NXPE2: variants seen among roughly 807,000 people sequenced by gnomAD.
The protein encoded by NXPE2 is neurexophilin and PC-esterase domain family member 2, also known as NXPE family member 2.
In NXPE2, 34 loss-of-function variants were observed where a neutral mutation model predicts 34.4. The observed-to-expected ratio is 0.99, with a 90% CI of 0.75 to 1.31. The LOEUF is 1.31. Ranked by LOEUF, NXPE2 falls within the 40% of genes most tolerant of loss-of-function variation. The pLI, the probability that NXPE2 is intolerant of heterozygous loss-of-function variation, is 0.00. For synonymous variants in NXPE2, 235 were observed against 231.3 expected, an observed-to-expected ratio of 1.02 and a Z score of -0.15; for missense variants, 649 against 672.5, an observed-to-expected ratio of 0.97 and a Z score of 0.39.
chr11:114,529,961 C>T, the NXPE2 span: 15 of 507,898 alleles, frequency 3.0e-5, no homozygotes, highest in East Asian at 1.5e-4. Context: ...CATAGAAGAA[C>T]GGTTATAGCA....
At chr11:114,784,601 A>G in the NXPE2 span, among the ~76,000 whole-genome samples, 3 of 152,224 alleles carry the variant, frequency 2.0e-5, no homozygotes, top group Non-Finnish European at 2.9e-5. Flanking sequence ...GAGTGGCTTT[A>G]TAACCAGCAT....
At chr11:114,533,689 T>C in the NXPE2 span, among the ~76,000 whole-genome samples, 17 of 152,308 alleles carry the variant, frequency 1.1e-4, no homozygotes, top group East Asian at 3.3e-3. Context: ...TGCTCATTGC[T>C]AGCACAGCAA....
chr11:114,724,107 A>G, the NXPE2 span, among the ~76,000 whole-genome samples: 75 of 152,174 alleles, frequency 4.9e-4, 3 homozygotes, highest in Admixed American at 4.9e-3. Flanking sequence ...CAATCATCCT[A>G]TCAGTGGAGA....
At chr11:114,639,885 T>TA in the NXPE2 span, among the ~76,000 whole-genome samples, 2 of 115,452 alleles carry the variant, frequency 1.7e-5, no homozygotes, top group Non-Finnish European at 3.2e-5. Context: ...ATATAAAATA[T>TA]GTTATATATT....
chr11:114,638,750 G>C, the NXPE2 span, among the ~76,000 whole-genome samples: 1 of 152,002 alleles, frequency 6.6e-6, no homozygotes, highest in Non-Finnish European at 1.5e-5. Flanking sequence ...GTTTGCCTGG[G>C]TAACAGCAGC....
At chr11:114,804,820 G>A in the NXPE2 span, among the ~76,000 whole-genome samples, 61 of 152,256 alleles carry the variant, frequency 4.0e-4, 1 homozygote, top group Middle Eastern at 3.4e-3. Context: ...GGAGGAGGAA[G>A]ACCAGGGCTT....
At chr11:114,603,211 C>T in the NXPE2 span, among the ~76,000 whole-genome samples, 2 of 142,640 alleles carry the variant, frequency 1.4e-5, no homozygotes, top group Non-Finnish European at 1.5e-5. Context: ...CTAGGTAACT[C>T]CTATTACCTG....
chr11:114,530,878 C>T, the NXPE2 span: 1 of 1,612,666 alleles, frequency 6.2e-7, no homozygotes, highest in Non-Finnish European at 8.5e-7. Flanking sequence ...CAGTAATGGA[C>T]AGAGATGGAT....
the NXPE2 span, among the ~76,000 whole-genome samples, chr11:114,620,567 G>A: frequency 5.1e-4 from 77 of 150,630 alleles, no homozygotes; most frequent in Non-Finnish European, 7.8e-4. Context: ...CCACTGTTAC[G>A]CGGTGGATAA....
chr11:114,695,620 T>C (rs1409741711), intron 2 of NXPE2, among the ~76,000 whole-genome samples: 3 of 151,914 alleles, frequency 2.0e-5, no homozygotes, highest in Non-Finnish European at 4.4e-5. Flanking sequence ...TAGACTTAAA[T>C]CAAATCATAT....
chr11:114,737,028 T>C, the NXPE2 span, among the ~76,000 whole-genome samples: 1 of 152,296 alleles, frequency 6.6e-6, no homozygotes, highest in African/African-American at 2.4e-5. Context: ...GGTATTGATT[T>C]ACCTGACTCT....
the NXPE2 span, among the ~76,000 whole-genome samples, chr11:114,574,406 G>T: frequency 6.6e-6 from 1 of 151,776 alleles, no homozygotes; most frequent in African/African-American, 2.4e-5. Context: ...AAAAATAAAT[G>T]AAACAAAAAG....
At chr11:114,750,772 A>G in the NXPE2 span, among the ~76,000 whole-genome samples, 1 of 152,210 alleles carries the variant, frequency 6.6e-6, no homozygotes, top group Admixed American at 6.5e-5. Context: ...GTAGCCTCTG[A>G]TATTAGTTGT....
the NXPE2 span, among the ~76,000 whole-genome samples, chr11:114,799,360 AAAATGCTGGCTGAGT>A: frequency 2.0e-5 from 3 of 152,120 alleles, no homozygotes; most frequent in African/African-American, 7.2e-5. Context: ...AAGGTTGGCA[AAAATGCTGGCTGAGT>A]TATCGTTTGG....
chr11:114,786,611 T>C, the NXPE2 span, among the ~76,000 whole-genome samples: 1 of 152,316 alleles, frequency 6.6e-6, no homozygotes, highest in East Asian at 1.9e-4. Context: ...ACTTCCATGA[T>C]TAGGAATTAT....
chr11:114,636,321 A>G, the NXPE2 span, among the ~76,000 whole-genome samples: 2 of 151,872 alleles, frequency 1.3e-5, no homozygotes, highest in African/African-American at 4.8e-5. Flanking sequence ...CCCCTTTATC[A>G]TTTTTTATTG....
chr11:114,794,448 T>C, the NXPE2 span, among the ~76,000 whole-genome samples: 80,344 of 151,998 alleles, frequency 0.53, 22,781 homozygotes, highest in East Asian at 0.65. Flanking sequence ...TCCTGAGTGC[T>C]CAGTATACTG....
the NXPE2 span, among the ~76,000 whole-genome samples, chr11:114,753,368 C>T: frequency 1.4e-4 from 21 of 152,228 alleles, no homozygotes; most frequent in African/African-American, 5.1e-4. Context: ...ACGTCAGCCT[C>T]GGCGACAGAG....
the NXPE2 span, among the ~76,000 whole-genome samples, chr11:114,632,048 T>G: frequency 2.1e-5 from 3 of 144,068 alleles, no homozygotes; most frequent in Admixed American, 2.2e-4. Flanking sequence ...AATATATAAT[T>G]TAATAATATG....
Sources: allele counts gnomAD v4.1 joint callset (sites outside exome capture counted in the v4.1 genomes callset), GRCh38; gene constraint gnomAD v4.1.1; transcripts MANE v1.5; gene names NCBI Gene and HGNC (gene_info 2026-07-23, HGNC 2026-07-21).